NYNRIN: variants seen among roughly 807,000 people sequenced by gnomAD.
NYNRIN encodes NYN domain and retroviral integrase containing.
A neutral mutation model predicts 146.6 loss-of-function variants in NYNRIN; 86 were observed. The observed-to-expected ratio is 0.59, with a 90% CI of 0.49 to 0.70. The LOEUF is 0.70. NYNRIN is among the 30% of genes least tolerant of loss of function. The pLI is 0.00. For synonymous variants in NYNRIN, 1,027 were observed against 1,001.3 expected, an observed-to-expected ratio of 1.03 and a Z score of -0.48; for missense variants, 2,191 against 2,377.7, an observed-to-expected ratio of 0.92 and a Z score of 1.63.
chr14:24,402,290 G>A (rs1566482598), intron 2 of NYNRIN, among the ~76,000 whole-genome samples: 2 of 152,188 alleles, frequency 1.3e-5, no homozygotes, highest in Non-Finnish European at 2.9e-5. Flanking sequence ...TCAGTGAGTG[G>A]AGAGGCGGGT....
chr14:24,413,153 C>A, intron 7 of NYNRIN, 55 bp downstream of exon 7: 1 of 1,430,080 alleles, frequency 7.0e-7, no homozygotes, highest in Non-Finnish European at 9.7e-7. Flanking sequence ...GTCAGGCAGC[C>A]CCTGGCATGG....
rs1470404789 is a variant in NYNRIN at position 24,409,895 on chromosome 14, A to C, written c.2101A>C (p.Ser701Arg). 1 of 1,613,550 alleles carries C rather than the reference A, an allele frequency of 6.2e-7. No homozygotes were observed. Among genetic ancestry groups the C allele is most frequent in the East Asian group, 2.2e-5 (1 of 44,864 alleles). ...AACCTTGGATGTAGCCAGACTTCTGAGTGAGGTCCAGCCTACATCAAGGGC... is the reference window on the plus strand; with the variant it reads ...AACCTTGGATGTAGCCAGACTTCTGCGTGAGGTCCAGCCTACATCAAGGGC... ...GPTLDVARLL[S>R]EVQPTSRASV... is the part of the protein sequence containing the mutation. The change falls in exon 4 of 9, where the codon AGT becomes CGT. Residue 701 changes from serine to arginine, a missense_variant. Physicochemically the swap from Ser to Arg is moderately radical, Grantham distance 110. Coordinates refer to ENST00000382554, the MANE Select transcript of NYNRIN (RefSeq NM_025081.3).
At chr14:24,407,358 C>A (rs2042880844) in intron 2 of NYNRIN, among the ~76,000 whole-genome samples, 1 of 152,188 alleles carries the variant, frequency 6.6e-6, no homozygotes, top group African/African-American at 2.4e-5. Flanking sequence ...GGAGGAACTG[C>A]AGGCACGGGG....
intron 1 of NYNRIN, 22 bp downstream of exon 1, chr14:24,399,108 A>C: frequency 1.3e-6 from 1 of 766,558 alleles, no homozygotes; most frequent in Non-Finnish European, 2.0e-6. Context: ...CGCCTGGAGG[A>C]AGGAGGCCGT....
At position 24,399,064 on chromosome 14, in the gene NYNRIN, G is replaced by C. The variant is rs2042822242; in HGVS notation, c.-40G>C. On this transcript the variant is annotated 5_prime_UTR_variant, in exon 1 of 9. Coordinates refer to ENST00000382554, the MANE Select transcript of NYNRIN (RefSeq NM_025081.3). Reference sequence around the variant, plus strand: ...GGTCGAAGGGGACCAAGCTCCAGAGGGCGGGCGCCCGAGCCGTGCGGGGTG... The same window carrying C: ...GGTCGAAGGGGACCAAGCTCCAGAGCGCGGGCGCCCGAGCCGTGCGGGGTG... The C allele has an allele frequency of 1.8e-6, 1 of 545,706 alleles. No homozygotes were observed. Among genetic ancestry groups the C allele is most frequent in the Admixed American group, 3.9e-5 (1 of 25,382 alleles). The allele number at this position is 545,706 out of a possible 1,614,324, so 33.8% of individuals were successfully genotyped here.
Position 24,418,525 on chromosome 14 carries a change from C to G in NYNRIN, c.*1079C>G, listed in dbSNP as rs2042963874. On this transcript the variant is annotated 3_prime_UTR_variant, in exon 9 of 9. Coordinates refer to ENST00000382554, the MANE Select transcript of NYNRIN (RefSeq NM_025081.3). Reference sequence around the variant, plus strand: ...CTGTGTAGAGCAAAACCCAGGCTCCCTCACAGCCATTCTTTGCAGAGATCA... The same window carrying G: ...CTGTGTAGAGCAAAACCCAGGCTCCGTCACAGCCATTCTTTGCAGAGATCA... The G allele has an allele frequency of 3.1e-6, 1 of 319,882 alleles. No homozygotes were observed. The highest frequency in any genetic ancestry group is 2.4e-5 in the South Asian group (1 of 42,518). 19.8% of individuals were successfully genotyped at this position (319,882 alleles called of 1,614,324 possible).
Position 24,417,238 on chromosome 14 carries a change from A to G in NYNRIN, c.5489A>G (p.Asp1830Gly). The G allele has an allele frequency of 6.2e-7, 1 of 1,614,016 alleles. No individual in the cohort carries two copies. The highest frequency in any genetic ancestry group is 8.5e-7 in the Non-Finnish European group (1 of 1,179,882). The change falls in exon 9 of 9, where the codon GAC becomes GGC. Residue 1830 changes from aspartate (D) to glycine (G), a missense_variant. By Grantham distance (94) the Asp-to-Gly change is moderately conservative. Around this residue, in one of 3 missense-constraint regions of NYNRIN, gnomAD observed 1,291 missense variants for 1,417.0 expected, o/e 0.91. Transcript: ENST00000382554. ...CAGGAGAAGGAGTGGAATGTGGGTG[A>G]CCAGGTCCTTTTGCTGTCCCTCCCC... is the stretch of plus-strand genomic sequence containing the variant. ...ESQEKEWNVG[D>G]QVLLLSLPRN...
In NYNRIN at chr14:24,417,023, C is replaced by G. The variant is rs1255998637; in HGVS notation, c.5274C>G (p.Phe1758Leu). ...FRASSTDATP[F>L]KVLTGGESRL... Reference sequence around the variant, plus strand: ...CCTCCTCCACTGATGCCACACCGTTCAAGGTCCTGACCGGGGGTGAGTCAA... The same window carrying G: ...CCTCCTCCACTGATGCCACACCGTTGAAGGTCCTGACCGGGGGTGAGTCAA... The change falls in exon 9 of 9, where the codon TTC becomes TTG. Residue 1758 changes from phenylalanine (F) to leucine (L), a missense_variant. Phe to Leu is a conservative substitution (Grantham distance 22). Coordinates refer to ENST00000382554, the MANE Select transcript of NYNRIN (RefSeq NM_025081.3). 7.5e-6 allele frequency: 12 copies of G among 1,606,428 alleles called. No homozygotes were observed. Among genetic ancestry groups the G allele is most frequent in the Non-Finnish European group, 9.4e-6 (11 of 1,175,622 alleles).
chr14:24,417,368 G>A lies in NYNRIN; in HGVS notation c.5619G>A (p.Gly1873=), dbSNP rs1260478365. 16 of 1,592,548 alleles carry A rather than the reference G, an allele frequency of 1.0e-5. No homozygotes were observed. Among genetic ancestry groups the A allele is most frequent in the African/African-American group, 5.4e-5 (4 of 74,492 alleles). The change falls in exon 9 of 9, where the codon GGG becomes GGA. Residue 1873 remains glycine, a synonymous_variant. Coordinates refer to ENST00000382554, the MANE Select transcript of NYNRIN (RefSeq NM_025081.3). ...IWGFPTPEKL[G]CIYPSSLMKA... is the part of the protein sequence containing the mutation. ...GCTTCCCAACCCCAGAGAAGCTGGG[G>A]TGCATCTATCCCAGCAGTCTGATGA...
chr14:24,412,734 G>A (rs1321688329), intron 6 of NYNRIN: 9 of 357,028 alleles, frequency 2.5e-5, no homozygotes, highest in African/African-American at 2.2e-5. Flanking sequence ...GTGCCTATGC[G>A]TATAACAGGG....
At chr14:24,405,722 G>T (rs907223664) in intron 2 of NYNRIN, among the ~76,000 whole-genome samples, 2 of 152,158 alleles carry the variant, frequency 1.3e-5, no homozygotes, top group African/African-American at 4.8e-5. Context: ...CATCTAAAAT[G>T]GGGATAATAG....
In NYNRIN at chr14:24,408,047, C is replaced by G. The variant is rs986563058; in HGVS notation, c.377C>G (p.Ser126Cys). 4 of 1,613,868 alleles carry G rather than the reference C, an allele frequency of 2.5e-6. No individual in the cohort carries two copies. The African/African-American group carries it at 5.3e-5, about 22-fold the overall frequency. ...CTGATGGTGGGCGGGCTGACTGAGT[C>G]TTTCATCATGACACAGAACTGGCTG... ...GSLMVGGLTE[S>C]FIMTQNWLEE... Residue 126 changes from serine (S) to cysteine (C), a missense_variant, in exon 3 of 9, where the codon TCT becomes TGT. Ser to Cys is a moderately radical substitution (Grantham distance 112). This residue lies in a region of NYNRIN where 895 missense variants were observed against 941.2 expected (regional missense o/e 0.95). Coordinates refer to ENST00000382554, the MANE Select transcript of NYNRIN (RefSeq NM_025081.3).
intron 2 of NYNRIN, among the ~76,000 whole-genome samples, chr14:24,401,103 C>T (rs910530308): frequency 5.9e-5 from 9 of 152,140 alleles, no homozygotes; most frequent in Admixed American, 3.9e-4. Flanking sequence ...CTCACACTTT[C>T]GGAGGTACCC....
chr14:24,409,745 G>A lies in NYNRIN; in HGVS notation c.1951G>A (p.Ala651Thr). ...KTPKAQAGPA[A>T]TVSKAPAASK... ...ACCCAAAGCTCAAGCCGGGCCTGCA[G>A]CTACAGTTTCCAAAGCACCTGCAGC... is the stretch of plus-strand genomic sequence containing the variant. Residue 651 changes from alanine (A) to threonine (T), a missense_variant, in exon 4 of 9, where the codon GCT becomes ACT. Transcript: ENST00000382554. 6.2e-7 allele frequency: 1 copy of A among 1,604,928 alleles called. No individual in the cohort carries two copies. Among genetic ancestry groups the A allele is most frequent in the Non-Finnish European group, 8.5e-7 (1 of 1,177,982 alleles).
chr14:24,401,625 A>G lies in NYNRIN; in HGVS notation c.198+2181A>G, dbSNP rs189607321. 3.3e-5 allele frequency among the ~76,000 whole-genome samples: 5 copies of G among 152,310 alleles called. No homozygotes were observed. In the East Asian group the frequency reaches 7.7e-4, roughly 23 times the overall value. On this transcript the variant is annotated intron_variant, in intron 2 of 8. Coordinates refer to ENST00000382554, the MANE Select transcript of NYNRIN (RefSeq NM_025081.3). The stretch of plus-strand genomic sequence containing the variant: ...CTCTCTTGAGCCATTTCCCTCATCT[A>G]TGGAACAGACTATAATAATACCTGG...
Position 24,415,249 on chromosome 14 carries a change from G to A in NYNRIN, c.3500G>A (p.Ser1167Asn). The A allele has an allele frequency of 4.3e-6, 7 of 1,613,690 alleles. No individual in the cohort carries two copies. Among genetic ancestry groups the A allele is most frequent in the Non-Finnish European group, 4.2e-6 (5 of 1,179,874 alleles). The change falls in exon 9 of 9, where the codon AGC becomes AAC. Residue 1167 changes from serine to asparagine, a missense_variant. Around this residue, in one of 3 missense-constraint regions of NYNRIN, gnomAD observed 1,291 missense variants for 1,417.0 expected, o/e 0.91. Transcript: ENST00000382554. ...QLPFRLEVTV[S>N]HVALTAILHQ... ...CCCTTCCGCCTGGAGGTGACCGTGA[G>A]CCACGTGGCCCTGACGGCCATCCTC...
chr14:24,403,015 C>G (rs1193394288), intron 2 of NYNRIN, among the ~76,000 whole-genome samples: 1 of 152,168 alleles, frequency 6.6e-6, no homozygotes, highest in Non-Finnish European at 1.5e-5. Context: ...ACGTTTGCTG[C>G]TATCTTTTTT....
Position 24,410,124 on chromosome 14 carries a change from C to T in NYNRIN, c.2330C>T (p.Thr777Ile). ...CAGAGGTACCACGAGGCCCTGAATA[C>T]ACCCTTCGAGCTGAACCTGTCAGGG... is the stretch of plus-strand genomic sequence containing the variant. ...SFQRYHEALNTPFELNLSGEP... is the reference protein window; with the variant it reads ...SFQRYHEALNIPFELNLSGEP... The change falls in exon 4 of 9, where the codon ACA (threonine) becomes ATA (isoleucine). Residue 777 changes from threonine to isoleucine, a missense_variant. This residue lies in a region of NYNRIN where 5 missense variants were observed against 19.5 expected (regional missense o/e 0.26). Coordinates refer to ENST00000382554, the MANE Select transcript of NYNRIN (RefSeq NM_025081.3). The T allele has an allele frequency of 1.2e-6, 2 of 1,613,912 alleles. No homozygotes were observed. Among genetic ancestry groups the T allele is most frequent in the African/African-American group, 1.3e-5 (1 of 75,064 alleles).
At position 24,411,489 on chromosome 14, in the gene NYNRIN, A is replaced by T. The variant is rs775180575; in HGVS notation, c.2642+39A>T. The T allele has an allele frequency of 6.4e-7, 1 of 1,571,526 alleles. No homozygotes were observed. The highest frequency in any genetic ancestry group is 1.1e-5 in the South Asian group (1 of 90,196). ...CAGGCCTGCCCTCCTGGGCTCAGGG[A>T]GTTGGGCCTGGCTGGTGTGTCAGGT... is the stretch of plus-strand genomic sequence containing the variant. On this transcript the variant is annotated intron_variant, in intron 6 of 8. Transcript: ENST00000382554. This position sits in a 1 kb window ranked among gnomAD's most constrained non-coding sequence, Gnocchi z 4.3.
Sources: gnomAD v4.1 joint callset for allele counts (sites outside exome capture counted in the v4.1 genomes callset) on GRCh38, gnomAD v4.1.1 for gene constraint, gnomAD v4.1.1 regional missense constraint, Gnocchi (gnomAD v3.1) non-coding constraint, MANE v1.5 for transcripts, NCBI Gene and HGNC (gene_info 2026-07-23, HGNC 2026-07-21) for gene names.